The following VLDLR variants were observed in gnomAD, a reference collection of about 807,000 sequenced individuals.
VLDLR encodes very low-density lipoprotein receptor.
In VLDLR, 81 loss-of-function variants were observed where a neutral mutation model predicts 112.7. That is an observed-to-expected ratio of 0.72 (90% CI 0.60 to 0.86). The LOEUF is 0.86. VLDLR is among the 40% of genes least tolerant of loss of function. VLDLR has a pLI of 0.00. For missense variants in VLDLR, 1,237 were observed against 1,099.4 expected, an observed-to-expected ratio of 1.13 and a Z score of -1.77; for synonymous variants, 436 against 384.8, an observed-to-expected ratio of 1.13 and a Z score of -1.56.
chr9:2,643,223 TTG>T lies in VLDLR; in HGVS notation c.514_515del (p.Val172MetfsTer6). ...AGTGGCCGCTGCATCTCCAGGAACT[TTG>T]TATGCAATGGCCAGGATGACTGCAG... On this transcript the variant is annotated frameshift_variant, in exon 5 of 19. Coordinates refer to ENST00000382100, the MANE Select transcript of VLDLR (RefSeq NM_003383.5). LOFTEE classifies it high-confidence loss of function. The T allele has an allele frequency of 6.2e-7, 1 of 1,614,076 alleles. No individual in the cohort carries two copies. The highest frequency in any genetic ancestry group is 8.5e-7 in the Non-Finnish European group (1 of 1,180,034).
In VLDLR at chr9:2,653,987, C is replaced by A; in HGVS notation, c.*119C>A. On this transcript the variant is annotated 3_prime_UTR_variant, in exon 19 of 19. Transcript: ENST00000382100. ...TCTCGGCTGGAAGAACATCAAGATA[C>A]CTTTGCGTGGATCAAGCTTGTGTAC... 9.7e-7 allele frequency: 1 copy of A among 1,025,922 alleles called. No individual in the cohort carries two copies. The highest frequency in any genetic ancestry group is 1.5e-6 in the Non-Finnish European group (1 of 654,022). 63.6% of individuals were successfully genotyped at this position (1,025,922 alleles called of 1,614,324 possible). A position where few individuals can be genotyped will look rare whatever the true frequency, so the allele number is the denominator to read the frequency against.
At chr9:2,623,267 G>C (rs917181058) in intron 1 of VLDLR, among the ~76,000 whole-genome samples, 1 of 152,210 alleles carries the variant, frequency 6.6e-6, no homozygotes. Flanking sequence ...TTCCCACTTG[G>C]GGCCTCGTAA....
intron 17 of VLDLR, 50 bp from the exon 18 acceptor site, chr9:2,652,730 T>A: frequency 6.2e-7 from 1 of 1,610,942 alleles, no homozygotes; most frequent in Non-Finnish European, 8.5e-7. Context: ...CTTTCTTGTA[T>A]GTTCCAATAC....
chr9:2,651,805 T>TA lies in VLDLR; in HGVS notation c.2336-68dup. 3 of 1,581,430 alleles carry TA rather than the reference T, an allele frequency of 1.9e-6. No individual in the cohort carries two copies. In the South Asian group the frequency reaches 3.3e-5, roughly 18 times the overall value. ...ATTGGATGCAAAGGTTTTGGCTCCT[T>TA]ACCTGATGGGTAAATTTCTAAGTCT... is the stretch of plus-strand genomic sequence containing the variant. On this transcript the variant is annotated intron_variant, in intron 16 of 18. Transcript: ENST00000382100.
intron 2 of VLDLR, 36 bp from the exon 3 acceptor site, chr9:2,639,823 G>T (rs770678505): frequency 2.5e-5 from 40 of 1,613,822 alleles, no homozygotes; most frequent in East Asian, 4.5e-5. Flanking sequence ...GTGGGTAAAT[G>T]ACTTCAACTT....
chr9:2,655,733 A>G lies in VLDLR; in HGVS notation c.*1865A>G, dbSNP rs1818575035. 6.6e-6 allele frequency: 1 copy of G among 152,156 alleles called. No homozygotes were observed. The highest frequency in any genetic ancestry group is 2.1e-4 in the South Asian group (1 of 4,818). 9.4% of individuals were successfully genotyped at this position (152,156 alleles called of 1,614,324 possible). ...TTCATGGGAGGTTTGGAGGTCAAGCATGTAGAAGGAAAAGGCTGTAGTCAT... is the reference window on the plus strand; with the variant it reads ...TTCATGGGAGGTTTGGAGGTCAAGCGTGTAGAAGGAAAAGGCTGTAGTCAT... On this transcript the variant is annotated 3_prime_UTR_variant, in exon 19 of 19. Transcript: ENST00000382100.
rs1005994363 is a variant in VLDLR at position 2,641,867 on chromosome 9, C to T, written c.448+368C>T. Among the ~76,000 whole-genome samples the T allele has an allele frequency of 7.3e-5, 11 of 150,798 alleles. 1 individual carries two copies. The highest frequency in any genetic ancestry group is 6.6e-4 in the Admixed American group (10 of 15,084). ...AGAAGGTGAGTAGGGTTGGCAAACACATTCATAGGTCTAAATTTGATTGGG... is the reference window on the plus strand; with the variant it reads ...AGAAGGTGAGTAGGGTTGGCAAACATATTCATAGGTCTAAATTTGATTGGG... On this transcript the variant is annotated intron_variant, in intron 4 of 18. Coordinates refer to ENST00000382100, the MANE Select transcript of VLDLR (RefSeq NM_003383.5).
At position 2,643,735 on chromosome 9, in the gene VLDLR, G is replaced by C. The variant is rs1817931585; in HGVS notation, c.928G>C (p.Val310Leu). Residue 310 changes from valine (V) to leucine (L), a missense_variant, in exon 6 of 19, where the codon GTC (valine) becomes CTC (leucine). Physicochemically the swap from Val to Leu is conservative, Grantham distance 32. Transcript: ENST00000382100. ...IRDCVDGSDE[V>L]NCKNVNQCLG... Reference sequence around the variant, plus strand: ...AGACTGTGTCGATGGTTCCGATGAAGTCAACTGCAAAAATGGTAAGGGTTT... The same window carrying C: ...AGACTGTGTCGATGGTTCCGATGAACTCAACTGCAAAAATGGTAAGGGTTT... 6.2e-7 allele frequency: 1 copy of C among 1,614,180 alleles called. No homozygotes were observed. The highest frequency in any genetic ancestry group is 8.5e-7 in the Non-Finnish European group (1 of 1,180,032).
chr9:2,654,040 A>G lies in VLDLR; in HGVS notation c.*172A>G. Reference sequence around the variant, plus strand: ...GACCGTTTTTATATTACTTTTGTAAATATTCTTGTCCACATTCTACTTCAG... The same window carrying G: ...GACCGTTTTTATATTACTTTTGTAAGTATTCTTGTCCACATTCTACTTCAG... On this transcript the variant is annotated 3_prime_UTR_variant, in exon 19 of 19. Transcript: ENST00000382100. 3.1e-6 allele frequency: 2 copies of G among 647,682 alleles called. No homozygotes were observed. Among genetic ancestry groups the G allele is most frequent in the Non-Finnish European group, 5.4e-6 (2 of 370,032 alleles). 40.1% of individuals were successfully genotyped at this position (647,682 alleles called of 1,614,324 possible).
chr9:2,643,779 A>G (rs545964458), intron 6 of VLDLR, 29 bp downstream of exon 6: 149 of 1,614,198 alleles, frequency 9.2e-5, no homozygotes, highest in South Asian at 3.1e-4. Flanking sequence ...TGGTTAAGCA[A>G]TGGATTGCTC....
intron 18 of VLDLR, 101 bp downstream of exon 18, chr9:2,653,050 C>T: frequency 1.4e-6 from 2 of 1,445,320 alleles, no homozygotes; most frequent in East Asian, 2.3e-5. Flanking sequence ...GATGGAGTTA[C>T]CAAACACTTC....
intron 7 of VLDLR, 99 bp from the exon 8 acceptor site, chr9:2,644,635 A>G: frequency 6.5e-7 from 1 of 1,546,306 alleles, no homozygotes. Context: ...GGGTTTGACC[A>G]GGCCAACTAG....
At chr9:2,653,169 C>T (rs566445895) in intron 18 of VLDLR, among the ~76,000 whole-genome samples, 163 of 152,244 alleles carry the variant, frequency 1.1e-3, no homozygotes, top group Middle Eastern at 3.4e-3. Context: ...CTTAAAGTCA[C>T]CACTATATTA....
In VLDLR at chr9:2,648,801, C is replaced by G; in HGVS notation, c.2095C>G (p.Gln699Glu). Residue 699 changes from glutamine to glutamate, a missense_variant, in exon 14 of 19, where the codon CAG becomes GAG. Gln to Glu is a conservative substitution (Grantham distance 29). Transcript: ENST00000382100. Reference sequence around the variant, plus strand: ...CATCATTGTCTATCATGAACTTGTACAGCCATCAGGTACCGTGGAGAAGCA... The same window carrying G: ...CATCATTGTCTATCATGAACTTGTAGAGCCATCAGGTACCGTGGAGAAGCA... The part of the protein sequence containing the change: ...QDIIVYHELV[Q>E]PSGKNWCEED... 6.2e-7 allele frequency: 1 copy of G among 1,614,136 alleles called. No individual in the cohort carries two copies.
chr9:2,650,484 A>G lies in VLDLR; in HGVS notation c.2219A>G (p.Tyr740Cys). The change falls in exon 15 of 19, where the codon TAC becomes TGC. Residue 740 changes from tyrosine to cysteine, a missense_variant. Tyr to Cys is a radical substitution (Grantham distance 194). Transcript: ENST00000382100. Reference sequence around the variant, plus strand: ...TATACCTGTTCCTGTCCCAGTGGGTACAATGTAGAGGAAAATGGCCGAGAC... The same window carrying G: ...TATACCTGTTCCTGTCCCAGTGGGTGCAATGTAGAGGAAAATGGCCGAGAC... ...PKYTCSCPSGYNVEENGRDCQ... is the reference protein window; with the variant it reads ...PKYTCSCPSGCNVEENGRDCQ... 1 of 1,614,022 alleles carries G rather than the reference A, an allele frequency of 6.2e-7. No homozygotes were observed.
At position 2,655,295 on chromosome 9, in the gene VLDLR, G is replaced by A. The variant is rs1361201580; in HGVS notation, c.*1427G>A. The A allele has an allele frequency of 6.6e-6, 1 of 152,170 alleles. No homozygotes were observed. Among genetic ancestry groups the A allele is most frequent in the East Asian group, 1.9e-4 (1 of 5,196 alleles). 9.4% of individuals were successfully genotyped at this position (152,170 alleles called of 1,614,324 possible). ...TTTGAGACAAAGAAAAAATTGTACA[G>A]GGAGTTTAGTGAATTTTCCATCAGG... On this transcript the variant is annotated 3_prime_UTR_variant, in exon 19 of 19. Coordinates refer to ENST00000382100, the MANE Select transcript of VLDLR (RefSeq NM_003383.5).
At chr9:2,651,734 C>T in intron 16 of VLDLR, 140 bp from the exon 17 acceptor site, 1 of 976,764 alleles carries the variant, frequency 1.0e-6, no homozygotes, top group Non-Finnish European at 1.6e-6. Flanking sequence ...ACTTCTAAGC[C>T]AGAGTTGTTC....
intron 3 of VLDLR, 35 bp from the exon 4 acceptor site, chr9:2,641,342 T>A: frequency 6.2e-7 from 1 of 1,613,670 alleles, no homozygotes; most frequent in Non-Finnish European, 8.5e-7. Context: ...ATTGATCAGT[T>A]CTGAGGCTCT....
chr9:2,644,320 G>A (rs1194703946), intron 7 of VLDLR, among the ~76,000 whole-genome samples: 17 of 114,240 alleles, frequency 1.5e-4, no homozygotes, highest in Admixed American at 3.1e-4. Context: ...CACCACGCCC[G>A]GCTAATTTTT....
Sources: allele counts gnomAD v4.1 joint callset (sites outside exome capture counted in the v4.1 genomes callset), GRCh38; gene constraint gnomAD v4.1.1; transcripts MANE v1.5; gene names NCBI Gene and HGNC (gene_info 2026-07-23, HGNC 2026-07-21).